Variants in CSMD1 observed in about 807,000 individuals in gnomAD.
The protein encoded by CSMD1 is CUB and Sushi multiple domains 1, also known as CUB and sushi domain-containing protein 1.
CSMD1 carries 213 observed loss-of-function variants against 417.5 expected under a neutral mutation model. The observed-to-expected ratio is 0.51, with a 90% confidence interval of 0.46 to 0.57. The LOEUF (loss-of-function observed/expected upper bound fraction) is 0.57. CSMD1 is among the 20% of genes least tolerant of loss of function. CSMD1 has a pLI of 0.00. For missense variants in CSMD1, 6,923 were observed against 4,529.7 expected (o/e 1.53, Z -15.17); for synonymous variants, 2,862 against 1,736.8 (o/e 1.65, Z -16.11).
At chr8:4,588,821 C>A (rs895905545) in intron 2 of CSMD1, among the ~76,000 whole-genome samples, 3 of 139,072 alleles carry the variant, frequency 2.2e-5, no homozygotes, top group Non-Finnish European at 4.8e-5. Context: ...AAACTCTACT[C>A]TGTGCTTGAT....
chr8:3,343,272 G>A (rs554303124), intron 23 of CSMD1, 22 bp downstream of exon 23: 2 of 1,603,952 alleles, frequency 1.2e-6, no homozygotes, highest in Admixed American at 3.4e-5. Context: ...AAAAGAACGT[G>A]ATTAAGTCGT....
rs185366042 is a variant in CSMD1, at chr8:3,510,349, G to C, written c.1345-16623C>G. Among the ~76,000 whole-genome samples the C allele has an allele frequency of 4.9e-3, 742 of 151,880 alleles. 7 individuals are homozygous for C. The highest frequency in any genetic ancestry group is 0.027 in the South Asian group (131 of 4,824). On this transcript the variant is annotated intron_variant, in intron 10 of 69. Coordinates refer to ENST00000635120, the MANE Select transcript of CSMD1 (RefSeq NM_033225.6). ...AAAGAGCAACACAGCCGGAGCTTGG[G>C]GGAGGACAGTAGAGAAAGCACATGG...
intron 1 of CSMD1, among the ~76,000 whole-genome samples, chr8:4,929,000 G>A (rs11136797): frequency 0.022 from 3,319 of 152,184 alleles, 87 homozygotes; most frequent in African/African-American, 0.064. Flanking sequence ...GAACCCGGGC[G>A]GCAGAGGTTG....
intron 3 of CSMD1, among the ~76,000 whole-genome samples, chr8:4,194,295 T>A (rs1226691720): frequency 6.6e-6 from 1 of 152,148 alleles, no homozygotes; most frequent in Non-Finnish European, 1.5e-5. Context: ...TATAAAATGT[T>A]CCCAAGTCAT....
chr8:4,657,411 C>T (rs888836907), intron 1 of CSMD1, among the ~76,000 whole-genome samples: 1 of 152,162 alleles, frequency 6.6e-6, no homozygotes, highest in Non-Finnish European at 1.5e-5. Flanking sequence ...CATGTCCATT[C>T]CCTTCCCTCT....
chr8:4,912,446 A>G (rs1316783822), intron 1 of CSMD1, among the ~76,000 whole-genome samples: 1 of 151,936 alleles, frequency 6.6e-6, no homozygotes, highest in Non-Finnish European at 1.5e-5. Flanking sequence ...ACAAGGATTG[A>G]AGGTGAAAAC....
At chr8:3,859,813 G>T (rs943773093) in intron 5 of CSMD1, among the ~76,000 whole-genome samples, 2 of 152,136 alleles carry the variant, frequency 1.3e-5, no homozygotes, top group African/African-American at 4.8e-5. Context: ...GATTCCGCAG[G>T]GAACAGGCAG....
intron 2 of CSMD1, among the ~76,000 whole-genome samples, chr8:4,618,738 C>T (rs1310333589): frequency 1.3e-5 from 2 of 152,104 alleles, no homozygotes; most frequent in African/African-American, 4.8e-5. Flanking sequence ...GTTTTCAACA[C>T]TGAGTAAAAA....
chr8:3,685,072 G>C (rs1201269705), intron 7 of CSMD1, among the ~76,000 whole-genome samples: 3 of 152,084 alleles, frequency 2.0e-5, no homozygotes, highest in Non-Finnish European at 4.4e-5. Flanking sequence ...AATAAGAGAT[G>C]TCTTCATTAT....
chr8:3,209,225 G>A (rs192619043), intron 30 of CSMD1, among the ~76,000 whole-genome samples: 13 of 152,046 alleles, frequency 8.6e-5, no homozygotes, highest in Non-Finnish European at 1.6e-4. Context: ...ACAATGATAC[G>A]TTTCATACAT....
intron 5 of CSMD1, among the ~76,000 whole-genome samples, chr8:3,885,325 T>G (rs1348993038): frequency 6.6e-6 from 1 of 152,182 alleles, no homozygotes; most frequent in Non-Finnish European, 1.5e-5. Flanking sequence ...CAGTATTTAT[T>G]GGCACACTTA....
intron 5 of CSMD1, among the ~76,000 whole-genome samples, chr8:3,806,628 G>C (rs2129074836): frequency 6.6e-6 from 1 of 152,294 alleles, no homozygotes; most frequent in Admixed American, 6.5e-5. Context: ...ATCAATGTAA[G>C]TCAGCTTCAT....
chr8:4,452,593 G>T (rs117054359), intron 2 of CSMD1, among the ~76,000 whole-genome samples: 2 of 152,062 alleles, frequency 1.3e-5, no homozygotes, highest in Non-Finnish European at 2.9e-5. Context: ...CAGAAAACCG[G>T]TAACGAAAAA....
chr8:3,585,037 T>G (rs1489537530), intron 9 of CSMD1, among the ~76,000 whole-genome samples: 1 of 152,124 alleles, frequency 6.6e-6, no homozygotes, highest in Non-Finnish European at 1.5e-5. Flanking sequence ...ATTTAAGAGG[T>G]GACAACTCGC....
chr8:4,750,594 TCG>T (rs1811253664), intron 1 of CSMD1, among the ~76,000 whole-genome samples: 1 of 152,088 alleles, frequency 6.6e-6, no homozygotes, highest in African/African-American at 2.4e-5. Context: ...TCTGAGTGGT[TCG>T]TGATCCAGCA....
intron 25 of CSMD1, among the ~76,000 whole-genome samples, chr8:3,303,042 C>G (rs769958747): frequency 1.3e-5 from 2 of 152,180 alleles, no homozygotes; most frequent in Non-Finnish European, 2.9e-5. Context: ...TTCTATAACT[C>G]TTTTACTTCA....
At chr8:4,242,300 C>T (rs190277703) in intron 3 of CSMD1, among the ~76,000 whole-genome samples, 31 of 152,228 alleles carry the variant, frequency 2.0e-4, no homozygotes, top group Admixed American at 1.8e-3. Context: ...CTGGAAAATT[C>T]ATAGTAGTGT....
intron 26 of CSMD1, among the ~76,000 whole-genome samples, chr8:3,233,503 A>G (rs1354149372): frequency 6.6e-6 from 1 of 152,236 alleles, no homozygotes; most frequent in Non-Finnish European, 1.5e-5. Context: ...AGCAGTAGAA[A>G]ACAGACTAAT....
At chr8:3,022,176 G>A (rs1351294669) in intron 51 of CSMD1, among the ~76,000 whole-genome samples, 4 of 72,706 alleles carry the variant, frequency 5.5e-5, no homozygotes, top group Admixed American at 1.6e-4. Flanking sequence ...GGAATGCACC[G>A]GCAATCCCAC....
Sources: gnomAD v4.1 joint callset for allele counts (sites outside exome capture counted in the v4.1 genomes callset) on GRCh38, gnomAD v4.1.1 for gene constraint, MANE v1.5 for transcripts, NCBI Gene and HGNC (gene_info 2026-07-23, HGNC 2026-07-21) for gene names.